Variants in BEST3 observed in about 807,000 individuals in gnomAD.
BEST3 encodes the protein bestrophin 3.
In BEST3, 50 loss-of-function variants were observed where a neutral mutation model predicts 47.1. The observed-to-expected ratio is 1.06, with a 90% CI of 0.85 to 1.34. The LOEUF (loss-of-function observed/expected upper bound fraction) is 1.34. BEST3 is among the 40% of genes most tolerant of loss of function. The probability of loss-of-function intolerance (pLI) is 0.00; values close to 1 mark genes in which losing one functional copy is unlikely to be tolerated. For synonymous variants in BEST3, 282 were observed against 298.8 expected (o/e 0.94, Z 0.58); for missense variants, 765 against 817.0 (o/e 0.94, Z 0.78).
chr12:69,688,105 A>G (rs1885737303), intron 4 of BEST3, among the ~76,000 whole-genome samples: 1 of 152,192 alleles, frequency 6.6e-6, no homozygotes, highest in African/African-American at 2.4e-5. Context: ...TTTTGAAGAT[A>G]ACTACTTTCC....
chr12:69,655,301 T>C lies in BEST3; in HGVS notation c.1613A>G (p.Lys538Arg). The change falls in exon 10 of 10, where the codon AAG becomes AGG. Residue 538 changes from lysine to arginine, a missense_variant. Lys to Arg is a conservative substitution (Grantham distance 26, BLOSUM62 2). Coordinates refer to ENST00000330891, the MANE Select transcript of BEST3 (RefSeq NM_032735.3). ...CATGGGGCCCTGCTGCTGCTCAGTCTTGCTTGGCTGAACCCCTGTAAACTC... is the reference window on the plus strand; with the variant it reads ...CATGGGGCCCTGCTGCTGCTCAGTCCTGCTTGGCTGAACCCCTGTAAACTC... ...SSEFTGVQPSKTEQQQGPMGS... is the reference protein window; with the variant it reads ...SSEFTGVQPSRTEQQQGPMGS... The C allele has an allele frequency of 1.2e-6, 2 of 1,614,168 alleles. No individual in the cohort carries two copies. Among genetic ancestry groups the C allele is most frequent in the Non-Finnish European group, 1.7e-6 (2 of 1,180,038 alleles).
At chr12:69,685,815 A>C (rs1036483928) in intron 4 of BEST3, among the ~76,000 whole-genome samples, 4 of 152,212 alleles carry the variant, frequency 2.6e-5, no homozygotes, top group Admixed American at 2.0e-4. Flanking sequence ...ACTTTGAGAA[A>C]CATTGAGTGG....
intron 4 of BEST3, among the ~76,000 whole-genome samples, chr12:69,688,057 A>G (rs1885735114): frequency 6.6e-6 from 1 of 152,196 alleles, no homozygotes; most frequent in South Asian, 2.1e-4. Flanking sequence ...GAATGTATAT[A>G]ATTTCCTATT....
At chr12:69,681,174 T>A (rs1429460910) in intron 4 of BEST3, among the ~76,000 whole-genome samples, 1 of 149,272 alleles carries the variant, frequency 6.7e-6, no homozygotes, top group East Asian at 1.9e-4. Context: ...AGATATTAAT[T>A]TTTGAGTTTT....
chr12:69,689,717 G>A (rs769731212), intron 4 of BEST3, among the ~76,000 whole-genome samples: 10 of 151,968 alleles, frequency 6.6e-5, no homozygotes, highest in Non-Finnish European at 1.5e-4. Context: ...CCCTTCATCC[G>A]CTTCAGACAA....
At chr12:69,664,912 T>C (rs1325981447) in intron 9 of BEST3, among the ~76,000 whole-genome samples, 3 of 152,156 alleles carry the variant, frequency 2.0e-5, no homozygotes, top group Non-Finnish European at 4.4e-5. Context: ...GTTTGTAAGA[T>C]AAATAGCGTA....
chr12:69,672,652 A>G (rs1884650739), intron 8 of BEST3, among the ~76,000 whole-genome samples: 1 of 152,212 alleles, frequency 6.6e-6, no homozygotes, highest in South Asian at 2.1e-4. Flanking sequence ...GAGGGCTTAC[A>G]AAGAAAATTG....
At chr12:69,696,773 G>T (rs1218645008) in intron 2 of BEST3, among the ~76,000 whole-genome samples, 1 of 152,130 alleles carries the variant, frequency 6.6e-6, no homozygotes, top group Non-Finnish European at 1.5e-5. Context: ...TTATCTGTAT[G>T]CAGAAGAAAA....
chr12:69,694,487 A>T (rs1886061937), intron 2 of BEST3, 23 bp from the exon 3 acceptor site: 1 of 1,386,924 alleles, frequency 7.2e-7, no homozygotes, highest in Non-Finnish European at 1.0e-6. Context: ...TAAAATGCAC[A>T]GCCCTTTATG....
At position 69,655,366 on chromosome 12, in the gene BEST3, C is replaced by T. The variant is rs1283950855; in HGVS notation, c.1548G>A (p.Gly516=). 3.4e-5 allele frequency: 55 copies of T among 1,613,932 alleles called. No individual in the cohort carries two copies. Among genetic ancestry groups the T allele is most frequent in the Non-Finnish European group, 4.6e-5 (54 of 1,180,014 alleles). ...TAAEAPVPTS[G]GYHHDSATSI... The stretch of plus-strand genomic sequence containing the variant: ...AGGTAGCGGAATCATGGTGGTAGCC[C>T]CCTGATGTGGGCACTGGTGCTTCGG... Residue 516 remains glycine (G), a synonymous_variant, in exon 10 of 10, where the codon GGG becomes GGA. Transcript: ENST00000330891.
chr12:69,687,532 C>T (rs1992611), intron 4 of BEST3: 59,913 of 152,034 alleles, frequency 0.39, 12,541 homozygotes, highest in East Asian at 0.73. Flanking sequence ...GGCACAGCGG[C>T]GCACATCTGT....
At chr12:69,650,324 C>A (rs900999944), downstream of BEST3, among the ~76,000 whole-genome samples, 5 of 152,166 alleles carry the variant, frequency 3.3e-5, no homozygotes, top group East Asian at 3.9e-4. Flanking sequence ...TTGGTTCTTT[C>A]GACTCAGTGG....
Position 69,677,197 on chromosome 12 carries a change from G to T in BEST3, c.697C>A (p.Pro233Thr), listed in dbSNP as rs763098809. Residue 233 changes from proline to threonine, a missense_variant, in exon 6 of 10, where the codon CCG (proline) becomes ACG (threonine). Physicochemically the swap from Pro to Thr is conservative, Grantham distance 38. Transcript: ENST00000330891. The part of the protein sequence containing the change: ...LLFGYDWVGI[P>T]LVYTQVVTLA... ...TTTCTTACCTGGGTGTAAACCAGCG[G>T]AATCCCAACCCAGTCATAACCGAAT... The T allele has an allele frequency of 6.2e-7, 1 of 1,613,704 alleles. No homozygotes were observed. The highest frequency in any genetic ancestry group is 8.5e-7 in the Non-Finnish European group (1 of 1,179,854).
intron 9 of BEST3, among the ~76,000 whole-genome samples, chr12:69,644,235 T>G (rs1436389825): frequency 1.3e-5 from 2 of 152,236 alleles, no homozygotes; most frequent in Non-Finnish European, 2.9e-5. Flanking sequence ...CTGCTAATTG[T>G]CAGCTCTGTG....
chr12:69,661,448 G>A (rs1269203092), intron 9 of BEST3: 1 of 152,204 alleles, frequency 6.6e-6, no homozygotes, highest in Admixed American at 6.5e-5. Flanking sequence ...CTCACAGTCA[G>A]GCGACTGCCT....
chr12:69,654,280 G>A lies in BEST3; in HGVS notation c.*627C>T. On this transcript the variant is annotated 3_prime_UTR_variant, in exon 10 of 10. Transcript: ENST00000330891. ...AAGGGAAGGGAAAAAAAGGATGACAGAATAAAAGGAAAAGAGAGAAAAGTA... is the reference window on the plus strand; with the variant it reads ...AAGGGAAGGGAAAAAAAGGATGACAAAATAAAAGGAAAAGAGAGAAAAGTA... 1 of 984,790 alleles carries A rather than the reference G, an allele frequency of 1.0e-6. No individual in the cohort carries two copies. Among genetic ancestry groups the A allele is most frequent in the Non-Finnish European group, 1.2e-6 (1 of 829,396 alleles). The allele number at this position is 984,790 out of a possible 1,614,324, so 61.0% of individuals were successfully genotyped here. A position where few individuals can be genotyped will look rare whatever the true frequency, so the allele number is the denominator to read the frequency against.
chr12:69,696,518 CAT>C (rs1161060201), intron 2 of BEST3, among the ~76,000 whole-genome samples: 1 of 152,124 alleles, frequency 6.6e-6, no homozygotes, highest in African/African-American at 2.4e-5. Context: ...AAAATAATAT[CAT>C]ATTATATGAC....
Position 69,677,064 on chromosome 12 carries a change from A to G in BEST3, c.719T>C (p.Val240Ala). The stretch of plus-strand genomic sequence containing the variant: ...GAAGAAGGTATAGACAGCAAGAGTG[A>G]CAACCTGGAACAGAGAGAGACCAGA... Reference protein sequence around the residue: ...VGIPLVYTQVVTLAVYTFFFA... With the variant: ...VGIPLVYTQVATLAVYTFFFA... Residue 240 changes from valine to alanine, a missense_variant, in exon 7 of 10, where the codon GTC becomes GCC. By Grantham distance (64) the Val-to-Ala change is moderately conservative. Transcript: ENST00000330891. 1 of 1,614,186 alleles carries G rather than the reference A, an allele frequency of 6.2e-7. No homozygotes were observed. Among genetic ancestry groups the G allele is most frequent in the Non-Finnish European group, 8.5e-7 (1 of 1,180,028 alleles).
intron 9 of BEST3, among the ~76,000 whole-genome samples, chr12:69,659,013 T>G (rs1482797895): frequency 6.6e-6 from 1 of 152,190 alleles, no homozygotes; most frequent in Admixed American, 6.5e-5. Flanking sequence ...AAAAGCAACG[T>G]TGATGACTGC....
Sources: gnomAD v4.1 joint callset for allele counts (sites outside exome capture counted in the v4.1 genomes callset) on GRCh38, gnomAD v4.1.1 for gene constraint, MANE v1.5 for transcripts, NCBI Gene and HGNC (gene_info 2026-07-23, HGNC 2026-07-21) for gene names.